NTRK3: variants seen among roughly 807,000 people sequenced by gnomAD.
NTRK3 encodes the protein NT-3 growth factor receptor.
Under a neutral mutation model 91.7 loss-of-function variants are expected in NTRK3, and 24 were observed. The observed-to-expected ratio is 0.26, with a 90% CI of 0.19 to 0.37. The LOEUF is 0.37. Among genes scored for constraint, NTRK3 ranks in the 10% least tolerant of loss-of-function variants. NTRK3 has a pLI of 1.00. For synonymous variants in NTRK3, 483 were observed against 404.0 expected (o/e 1.20, Z -2.34); for missense variants, 880 against 1,068.9 (o/e 0.82, Z 2.46).
intron 5 of NTRK3, among the ~76,000 whole-genome samples, chr15:88,179,366 C>T (rs944631550): frequency 2.6e-5 from 4 of 152,200 alleles, no homozygotes; most frequent in African/African-American, 9.7e-5. Flanking sequence ...AGGTACAGTT[C>T]TACTTCTGCT....
At chr15:87,950,444 C>G (rs1000712242) in intron 14 of NTRK3, among the ~76,000 whole-genome samples, 1 of 152,014 alleles carries the variant, frequency 6.6e-6, no homozygotes, top group African/African-American at 2.4e-5. Flanking sequence ...GCAGCAGCAC[C>G]CCCCAAAATA....
chr15:87,916,840 C>A (rs1006792194), intron 17 of NTRK3, among the ~76,000 whole-genome samples: 9 of 151,870 alleles, frequency 5.9e-5, no homozygotes, highest in Non-Finnish European at 1.3e-4. Flanking sequence ...CGGCTCACTG[C>A]AACCTCTGCC....
intron 3 of NTRK3, chr15:88,252,409 C>G (rs1211228635): frequency 6.6e-6 from 1 of 152,180 alleles, no homozygotes; most frequent in Non-Finnish European, 1.5e-5. Context: ...GACCAGAGAG[C>G]TGCCAAATGC....
At chr15:88,133,805 G>T (rs924326344) in intron 10 of NTRK3, among the ~76,000 whole-genome samples, 1 of 152,170 alleles carries the variant, frequency 6.6e-6, no homozygotes, top group African/African-American at 2.4e-5. Flanking sequence ...CAGACTACAT[G>T]GGATTTCCAG....
chr15:88,102,603 A>G (rs2050287923), intron 13 of NTRK3, among the ~76,000 whole-genome samples: 1 of 152,226 alleles, frequency 6.6e-6, no homozygotes, highest in South Asian at 2.1e-4. Context: ...GCTTGTATCA[A>G]AATTTCACAT....
At chr15:88,242,472 C>T (rs1486559798) in intron 3 of NTRK3, among the ~76,000 whole-genome samples, 2 of 152,194 alleles carry the variant, frequency 1.3e-5, no homozygotes, top group African/African-American at 4.8e-5. Flanking sequence ...TTAAACTTTA[C>T]ATTAGATCCG....
In NTRK3 at chr15:88,004,814, C is replaced by T. The variant is rs138500223; in HGVS notation, c.1585+28043G>A. On this transcript the variant is annotated intron_variant, in intron 14 of 18. Coordinates refer to ENST00000394480, the Ensembl canonical transcript of NTRK3. ...AAAGTGAACAGGATCAGAATCGTAGCACTAGGGGAAGGATTGGCTCAAGTG... is the reference window on the plus strand; with the variant it reads ...AAAGTGAACAGGATCAGAATCGTAGTACTAGGGGAAGGATTGGCTCAAGTG... Among the ~76,000 whole-genome samples the T allele has an allele frequency of 2.0e-4, 31 of 152,242 alleles. 1 individual carries two copies. The East Asian group carries it at 5.8e-3, about 29-fold the overall frequency.
chr15:87,866,252 C>T (rs984557604), exon 19 of NTRK3: 9 of 210,408 alleles, frequency 4.3e-5, no homozygotes, highest in Non-Finnish European at 8.7e-5. Flanking sequence ...ACCACACTTT[C>T]CATCTGTTTT....
rs1183257530 is a variant in NTRK3, at chr15:88,233,924, C to T, written c.248+21982G>A. On this transcript the variant is annotated intron_variant, in intron 3 of 18. Coordinates refer to ENST00000394480, the Ensembl canonical transcript of NTRK3. This position sits in a 1 kb window ranked among gnomAD's most constrained non-coding sequence, Gnocchi z 4.2. ...AGAACTGTTGGTAAATGTTGAGTCC[C>T]ACTAGACATGCGTTGTTTCCTCTTT... Among the ~76,000 whole-genome samples the T allele has an allele frequency of 6.6e-6, 1 of 152,170 alleles. No individual in the cohort carries two copies.
At chr15:88,092,979 T>C (rs189290782) in intron 13 of NTRK3, among the ~76,000 whole-genome samples, 22 of 151,876 alleles carry the variant, frequency 1.4e-4, no homozygotes, top group Admixed American at 3.3e-4. Flanking sequence ...ACCCTTTCCC[T>C]GTACAAGATG....
intron 14 of NTRK3, among the ~76,000 whole-genome samples, chr15:87,982,372 G>C (rs914227621): frequency 1.4e-5 from 2 of 143,622 alleles, no homozygotes; most frequent in Admixed American, 6.7e-5. Flanking sequence ...AGGGGTAAAT[G>C]GTGAAGAAAA....
exon 19 of NTRK3, chr15:87,870,215 C>T (rs2064789999): frequency 1.1e-5 from 2 of 184,924 alleles, no homozygotes; most frequent in South Asian, 3.9e-4. Context: ...CACACACACA[C>T]ACAAACATAT....
chr15:87,958,999 G>A (rs1022922356), intron 14 of NTRK3, among the ~76,000 whole-genome samples: 5 of 47,368 alleles, frequency 1.1e-4, no homozygotes, highest in Middle Eastern at 0.024. Context: ...CCCGCTCCCC[G>A]CCCCCCGCAT....
chr15:88,133,681 T>TC (rs1187363486), intron 10 of NTRK3, among the ~76,000 whole-genome samples: 1 of 152,314 alleles, frequency 6.6e-6, no homozygotes, highest in East Asian at 1.9e-4. Flanking sequence ...AAAAGCCTCT[T>TC]CTTCCACTGT....
chr15:88,141,753 C>G (rs2042407350), intron 6 of NTRK3, among the ~76,000 whole-genome samples: 2 of 152,204 alleles, frequency 1.3e-5, no homozygotes, highest in Admixed American at 1.3e-4. Context: ...AGGCAGACAG[C>G]ATGAGAATGT....
chr15:88,129,182 T>C (rs909461249), intron 10 of NTRK3, among the ~76,000 whole-genome samples: 5 of 152,230 alleles, frequency 3.3e-5, no homozygotes, highest in Non-Finnish European at 7.3e-5. Flanking sequence ...GAGTTGATTC[T>C]AGCAGGTCAC....
chr15:88,011,517 G>A (rs757491041), intron 14 of NTRK3, among the ~76,000 whole-genome samples: 7 of 152,138 alleles, frequency 4.6e-5, no homozygotes, highest in Admixed American at 6.5e-5. Context: ...TAAAATCTCA[G>A]TAATCTGATA....
At chr15:88,005,204 C>A (rs2076400713) in intron 14 of NTRK3, among the ~76,000 whole-genome samples, 1 of 152,176 alleles carries the variant, frequency 6.6e-6, no homozygotes, top group African/African-American at 2.4e-5. Context: ...CACCCTGGTG[C>A]TGCCAGAGAA....
intron 17 of NTRK3, among the ~76,000 whole-genome samples, chr15:87,889,766 G>A (rs2065755046): frequency 6.6e-6 from 1 of 152,008 alleles, no homozygotes; most frequent in Admixed American, 6.6e-5. Flanking sequence ...TGGTTTTGTT[G>A]TAGTGTTATC....
Sources: gnomAD v4.1 joint callset for allele counts (sites outside exome capture counted in the v4.1 genomes callset) on GRCh38, gnomAD v4.1.1 for gene constraint, Gnocchi (gnomAD v3.1) non-coding constraint, MANE v1.5 for transcripts, NCBI Gene and HGNC (gene_info 2026-07-23, HGNC 2026-07-21) for gene names.